MSH3: variants seen among roughly 807,000 people sequenced by gnomAD.
MSH3 encodes mutS homolog 3.
Under a neutral mutation model 123.3 loss-of-function variants are expected in MSH3, and 106 were observed. The observed-to-expected ratio is 0.86, with a 90% confidence interval of 0.73 to 1.01. The LOEUF (loss-of-function observed/expected upper bound fraction) is 1.01. Among genes scored for constraint, MSH3 ranks in the 50% least tolerant of loss-of-function variants. MSH3 has a pLI of 0.00. For synonymous variants in MSH3, 515 were observed against 481.4 expected, an observed-to-expected ratio of 1.07 and a Z score of -0.91; for missense variants, 1,459 against 1,347.6, an observed-to-expected ratio of 1.08 and a Z score of -1.29.
chr5:80,752,647 A>C (rs1743857720), intron 12 of MSH3, among the ~76,000 whole-genome samples: 1 of 152,212 alleles, frequency 6.6e-6, no homozygotes, highest in Non-Finnish European at 1.5e-5. Flanking sequence ...TGTGAGGACC[A>C]AATGAGACAG....
chr5:80,672,500 A>G, intron 5 of MSH3, 140 bp downstream of exon 5: 1 of 725,248 alleles, frequency 1.4e-6, no homozygotes, highest in Non-Finnish European at 2.4e-6. Flanking sequence ...TTTCATAATT[A>G]TTAGTATTAT....
chr5:80,656,183 A>G (rs1450227147), intron 1 of MSH3, among the ~76,000 whole-genome samples: 1 of 152,210 alleles, frequency 6.6e-6, no homozygotes, highest in East Asian at 1.9e-4. Context: ...AATTAATTCT[A>G]AACACGGCTT....
intron 20 of MSH3, among the ~76,000 whole-genome samples, chr5:80,815,998 TTATG>T (rs1745097033): frequency 6.6e-6 from 1 of 152,224 alleles, no homozygotes. Context: ...ATAGAGTACT[TTATG>T]TAAGTACATT....
chr5:80,801,237 G>T (rs540829166), intron 19 of MSH3, among the ~76,000 whole-genome samples: 2 of 152,320 alleles, frequency 1.3e-5, no homozygotes, highest in South Asian at 4.1e-4. Flanking sequence ...GCTGCCCTAT[G>T]GAGAGTGGAT....
rs779129001 is a variant in MSH3, at chr5:80,670,226, A to G, written c.709A>G (p.Ile237Val). 14 of 1,614,080 alleles carry G rather than the reference A, an allele frequency of 8.7e-6. No homozygotes were observed. Among genetic ancestry groups the G allele is most frequent in the Non-Finnish European group, 1.1e-5 (13 of 1,180,032 alleles). Residue 237 changes from isoleucine (I) to valine (V), a missense_variant, in exon 4 of 24, where the codon ATA becomes GTA. Physicochemically the swap from Ile to Val is conservative, Grantham distance 29 (BLOSUM62 3). Coordinates refer to ENST00000265081, the MANE Select transcript of MSH3 (RefSeq NM_002439.5). ...CTATACGCCGCTAGAATTACAATAC[A>G]TAGAAATGAAGCAGCAGCACAAAGA... ...SIYTPLELQY[I>V]EMKQQHKDAV...
rs2112128980 is a variant in MSH3, at chr5:80,873,280, A to C, written c.3295A>C (p.Thr1099Pro). 6.2e-7 allele frequency: 1 copy of C among 1,613,902 alleles called. No homozygotes were observed. The highest frequency in any genetic ancestry group is 8.5e-7 in the Non-Finnish European group (1 of 1,179,890). ...KSKELEGLIN[T>P]KRKRLKYFAK... Reference sequence around the variant, plus strand: ...AAAAGAGCTGGAAGGATTAATAAATACGAAAAGGTCAGAGTGATTATGCTG... The same window carrying C: ...AAAAGAGCTGGAAGGATTAATAAATCCGAAAAGGTCAGAGTGATTATGCTG... Residue 1099 changes from threonine to proline, a missense_variant, in exon 23 of 24, where the codon ACG (threonine) becomes CCG (proline). Coordinates refer to ENST00000265081, the MANE Select transcript of MSH3 (RefSeq NM_002439.5).
intron 13 of MSH3, 31 bp downstream of exon 13, chr5:80,761,709 C>T (rs769515706): frequency 8.1e-6 from 13 of 1,611,998 alleles, no homozygotes; most frequent in Non-Finnish European, 9.3e-6. Flanking sequence ...TTAAAGCTGA[C>T]AGTGTTCTTC....
chr5:80,778,573 A>G, intron 16 of MSH3, 147 bp from the exon 17 acceptor site: 1 of 668,806 alleles, frequency 1.5e-6, no homozygotes, highest in South Asian at 1.6e-5. Flanking sequence ...AGAGTTCAGG[A>G]CCATAATTAA....
intron 8 of MSH3, among the ~76,000 whole-genome samples, chr5:80,720,657 G>A (rs1216182238): frequency 6.6e-6 from 1 of 151,700 alleles, no homozygotes; most frequent in African/African-American, 2.4e-5. Context: ...GGGTTTTCAT[G>A]TTTTATGGAG....
chr5:80,729,242 C>T (rs1185671708), intron 10 of MSH3, among the ~76,000 whole-genome samples: 2 of 151,378 alleles, frequency 1.3e-5, no homozygotes, highest in Non-Finnish European at 2.9e-5. Context: ...GGTGAAACCC[C>T]GTCTCTACTA....
intron 8 of MSH3, among the ~76,000 whole-genome samples, chr5:80,683,408 A>T (rs1318681445): frequency 6.6e-6 from 1 of 152,042 alleles, no homozygotes. Flanking sequence ...ATTTTAACTG[A>T]GGTGAGATGG....
intron 7 of MSH3, among the ~76,000 whole-genome samples, chr5:80,676,964 T>C (rs923090441): frequency 2.6e-5 from 4 of 152,198 alleles, no homozygotes; most frequent in South Asian, 4.1e-4. Context: ...AGCATTTTCT[T>C]TGGGGCTGTC....
rs766083073 is a variant in MSH3 at position 80,875,854 on chromosome 5, C to T, written c.3406C>T (p.Leu1136Phe). 2 of 1,597,198 alleles carry T rather than the reference C, an allele frequency of 1.3e-6. No individual in the cohort carries two copies. Among genetic ancestry groups the T allele is most frequent in the Non-Finnish European group, 8.6e-7 (1 of 1,164,820 alleles). Residue 1136 changes from leucine to phenylalanine, a missense_variant, in exon 24 of 24, where the codon CTT becomes TTT. Transcript: ENST00000265081. ...FNMEETQTSL[L>F]H ...CATGGAAGAAACACAGACTTCTCTT[C>T]TTCATTAAAATGAAGACTACATTTG...
chr5:80,782,762 G>C (rs33008), intron 17 of MSH3, among the ~76,000 whole-genome samples: 35,384 of 152,000 alleles, frequency 0.23, 4,357 homozygotes, highest in Non-Finnish European at 0.28. Context: ...TATTTATTGA[G>C]GTACCAGATG....
chr5:80,775,706 A>G lies in MSH3; in HGVS notation c.2266A>G (p.Ile756Val), dbSNP rs2112890124. Residue 756 changes from isoleucine to valine, a missense_variant, in exon 16 of 24, where the codon ATA becomes GTA. By Grantham distance (29) the Ile-to-Val change is conservative (BLOSUM62 3). Coordinates refer to ENST00000265081, the MANE Select transcript of MSH3 (RefSeq NM_002439.5). Reference sequence around the variant, plus strand: ...GTATTTGTTTTAGTTTATGATAGAAATAAAGAACTCTGCTGTATCTTGTAT... The same window carrying G: ...GTATTTGTTTTAGTTTATGATAGAAGTAAAGAACTCTGCTGTATCTTGTAT... ...TVSGQEFMIE[I>V]KNSAVSCIPT... 3.8e-6 allele frequency: 6 copies of G among 1,558,878 alleles called. 1 individual carries two copies. The South Asian group carries it at 6.7e-5, about 17-fold the overall frequency.
intron 12 of MSH3, among the ~76,000 whole-genome samples, chr5:80,750,295 G>T (rs879524089): frequency 1.1e-4 from 16 of 152,008 alleles, no homozygotes; most frequent in Non-Finnish European, 2.4e-4. Flanking sequence ...TCTATTTTTA[G>T]TTTTTTGAGG....
intron 8 of MSH3, among the ~76,000 whole-genome samples, chr5:80,720,628 T>G (rs1453266658): frequency 6.6e-6 from 1 of 152,182 alleles, no homozygotes; most frequent in African/African-American, 2.4e-5. Flanking sequence ...GTTTTCTTAA[T>G]AATTTTTTTA....
intron 12 of MSH3, among the ~76,000 whole-genome samples, chr5:80,750,413 T>C (rs1409508450): frequency 6.6e-6 from 1 of 152,172 alleles, no homozygotes; most frequent in Non-Finnish European, 1.5e-5. Context: ...TCATCTTTTT[T>C]AATAAAAACT....
chr5:80,830,952 A>G (rs1037562937), intron 20 of MSH3, among the ~76,000 whole-genome samples: 6 of 152,178 alleles, frequency 3.9e-5, no homozygotes, highest in African/African-American at 1.4e-4. Context: ...GTGTGATCTT[A>G]TTGCAATCAT....
Sources: allele counts gnomAD v4.1 joint callset (sites outside exome capture counted in the v4.1 genomes callset), GRCh38; gene constraint gnomAD v4.1.1; transcripts MANE v1.5; gene names NCBI Gene and HGNC (gene_info 2026-07-23, HGNC 2026-07-21).